Variants in CD99L2 observed in about 807,000 individuals in gnomAD.
CD99L2 encodes the protein CD99 antigen-like protein 2.
A neutral mutation model predicts 27.3 loss-of-function variants in CD99L2; 24 were observed. That is an observed-to-expected ratio of 0.88 (90% CI 0.64 to 1.24). The LOEUF is 1.24. Ranked by LOEUF, CD99L2 falls within the 50% of genes most tolerant of loss-of-function variation. The pLI is 0.00. For missense variants in CD99L2, 255 were observed against 221.6 expected (o/e 1.15, Z -0.96); for synonymous variants, 97 against 87.9 (o/e 1.10, Z -0.58).
intron 4 of CD99L2, among the ~76,000 whole-genome samples, chrX:150,799,528 G>GA (rs1328744694): frequency 2.8e-5 from 3 of 107,091 alleles, no homozygotes; most frequent in African/African-American, 1.0e-4. Context: ...AAAAAAAAAG[G>GA]AAAAAAACCA....
At chrX:150,824,224 GGAA>G (rs1335694814) in intron 2 of CD99L2, among the ~76,000 whole-genome samples, 3 of 53,816 alleles carry the variant, frequency 5.6e-5, no homozygotes, top group African/African-American at 7.7e-5. Flanking sequence ...AGGAGGAAGA[GGAA>G]GAAGAAGAAA....
intron 7 of CD99L2, among the ~76,000 whole-genome samples, chrX:150,792,123 C>T (rs1257887994): frequency 9.0e-6 from 1 of 111,211 alleles, no homozygotes; most frequent in African/African-American, 3.3e-5. Context: ...CTTTTTTCCA[C>T]GACCCCCTTT....
chrX:150,824,326 G>A (rs1248759976), intron 2 of CD99L2, among the ~76,000 whole-genome samples: 26 of 80,504 alleles, frequency 3.2e-4, no homozygotes, highest in African/African-American at 9.5e-4. Context: ...GGAGGAGGAG[G>A]AGAAGAAGAA....
At chrX:150,848,311 T>C (rs1557421517) in intron 1 of CD99L2, among the ~76,000 whole-genome samples, 1 of 110,977 alleles carries the variant, frequency 9.0e-6, no homozygotes, top group Non-Finnish European at 1.9e-5. Context: ...GCAAATACTA[T>C]ATTCCCATTT....
At position 150,776,273 on chromosome X, in the gene CD99L2, T is replaced by G. The variant is rs1041545842; in HGVS notation, c.556A>C (p.Thr186Pro). The change falls in exon 9 of 11, where the codon ACC becomes CCC. Residue 186 changes from threonine to proline, a missense_variant. Transcript: ENST00000370377. ...AGGGCGCTGGCCACCCCGGCAATGG[T>G]GCCAGGCTCTGCCACCATGCCTGCG... ...PGSGMVAEPG[T>P]IAGVASALAM... 8.3e-7 allele frequency: 1 copy of G among 1,206,938 alleles called. No homozygotes were observed. The highest frequency in any genetic ancestry group is 3.0e-5 in the East Asian group (1 of 33,611).
intron 1 of CD99L2, among the ~76,000 whole-genome samples, chrX:150,845,183 G>A (rs1413841440): frequency 8.9e-6 from 1 of 111,827 alleles, no homozygotes; most frequent in Non-Finnish European, 1.9e-5. Flanking sequence ...TGCCTGCAAG[G>A]ATAACCTTTT....
intron 2 of CD99L2, among the ~76,000 whole-genome samples, chrX:150,823,299 T>C (rs1195135593): frequency 2.7e-5 from 3 of 111,991 alleles, no homozygotes; most frequent in African/African-American, 9.7e-5. Context: ...TATTTATTTA[T>C]TGTTGAGGCG....
chrX:150,827,802 A>G (rs782248942), intron 2 of CD99L2, among the ~76,000 whole-genome samples: 11 of 111,665 alleles, frequency 9.9e-5, no homozygotes, highest in Non-Finnish European at 1.5e-4. Context: ...ATTTGGAGTT[A>G]ATTTTTGTGT....
chrX:150,810,692 A>G (rs2046059338), intron 4 of CD99L2, among the ~76,000 whole-genome samples: 1 of 112,421 alleles, frequency 8.9e-6, no homozygotes, highest in Admixed American at 9.5e-5. Flanking sequence ...AAGATCAACA[A>G]AATTGGCAAA....
At chrX:150,859,486 C>T (rs1481024645) in intron 1 of CD99L2, among the ~76,000 whole-genome samples, 8 of 100,453 alleles carry the variant, frequency 8.0e-5, no homozygotes, top group African/African-American at 1.9e-4. Context: ...GCAACAACAG[C>T]GAAACTCTGT....
intron 7 of CD99L2, among the ~76,000 whole-genome samples, chrX:150,791,193 G>A (rs1557419702): frequency 8.9e-6 from 1 of 112,013 alleles, no homozygotes; most frequent in African/African-American, 3.3e-5. Flanking sequence ...CCAGTCTGTG[G>A]TAATTTGTTA....
intron 1 of CD99L2, among the ~76,000 whole-genome samples, chrX:150,882,233 GCCATC>G (rs1301693337): frequency 1.8e-5 from 2 of 111,566 alleles, no homozygotes; most frequent in African/African-American, 6.5e-5. Flanking sequence ...GTGCCCTTCA[GCCATC>G]CCATGTGTAC....
chrX:150,829,711 T>C (rs1423743243), intron 2 of CD99L2: 1 of 222,146 alleles, frequency 4.5e-6, no homozygotes, highest in Non-Finnish European at 8.3e-6. Flanking sequence ...GACCAAACAA[T>C]TTCTATCTGT....
At position 150,770,286 on chromosome X, in the gene CD99L2, T is replaced by C. The variant is rs781956974; in HGVS notation, c.721+18A>G. 9.1e-6 allele frequency: 11 copies of C among 1,205,406 alleles called. No individual in the cohort carries two copies. The South Asian group carries it at 1.1e-4, about 12-fold the overall frequency. On this transcript the variant is annotated intron_variant, in intron 10 of 10. Coordinates refer to ENST00000370377, the MANE Select transcript of CD99L2 (RefSeq NM_031462.4). ...CTAGGAAAGCGTCAGCAAGGGACAG[T>C]GAGTACAAAGTTCTCACCTTGGGGT...
At chrX:150,861,730 G>A (rs940423509) in intron 1 of CD99L2, among the ~76,000 whole-genome samples, 7 of 109,338 alleles carry the variant, frequency 6.4e-5, no homozygotes, top group African/African-American at 1.7e-4. Flanking sequence ...GTGAAACCCC[G>A]TCTCTACTAA....
chrX:150,798,398 G>A (rs1463462698), intron 4 of CD99L2, among the ~76,000 whole-genome samples: 1 of 110,495 alleles, frequency 9.1e-6, no homozygotes, highest in African/African-American at 3.3e-5. Flanking sequence ...ACGGTCACTA[G>A]ATTCTCAACA....
At chrX:150,812,412 C>G (rs782140382) in intron 4 of CD99L2, among the ~76,000 whole-genome samples, 1 of 111,842 alleles carries the variant, frequency 8.9e-6, no homozygotes, top group South Asian at 3.7e-4. Context: ...AACAGACATT[C>G]CACTGAAAAG....
At chrX:150,892,600 T>C (rs781789521) in intron 1 of CD99L2, among the ~76,000 whole-genome samples, 15 of 59,572 alleles carry the variant, frequency 2.5e-4, no homozygotes, top group South Asian at 1.2e-3. Flanking sequence ...AGCGAGACTC[T>C]GTCTCAAAAA....
At chrX:150,850,050 C>A (rs1389957245) in intron 1 of CD99L2, among the ~76,000 whole-genome samples, 1 of 111,799 alleles carries the variant, frequency 8.9e-6, no homozygotes, top group Non-Finnish European at 1.9e-5. Context: ...TGTTTACAAG[C>A]CCAGTGGGGA....
Sources: gnomAD v4.1 joint callset for allele counts (sites outside exome capture counted in the v4.1 genomes callset) on GRCh38, gnomAD v4.1.1 for gene constraint, MANE v1.5 for transcripts, NCBI Gene and HGNC (gene_info 2026-07-23, HGNC 2026-07-21) for gene names.